Variants in CSMD3 observed in about 807,000 individuals in gnomAD.
CSMD3 encodes the protein CUB and Sushi multiple domains 3, also known as CUB and sushi domain-containing protein 3.
A neutral mutation model predicts 435.2 loss-of-function variants in CSMD3; 177 were observed. The ratio of observed to expected loss-of-function variants is 0.41; its 90% CI spans 0.36 to 0.46. CSMD3 has a LOEUF of 0.46. CSMD3 is among the 20% of genes least tolerant of loss of function. The pLI is 0.34. For synonymous variants in CSMD3, 1,656 were observed against 1,520.5 expected (o/e 1.09, Z -2.07); for missense variants, 4,265 against 4,504.6 (o/e 0.95, Z 1.52).
chr8:113,009,218 G>C (rs1314959042), intron 6 of CSMD3, among the ~76,000 whole-genome samples: 1 of 151,572 alleles, frequency 6.6e-6, no homozygotes, highest in Non-Finnish European at 1.5e-5. Context: ...TGATAAATGG[G>C]GATACTTCAT....
chr8:113,213,784 T>C (rs1171563270), intron 3 of CSMD3, among the ~76,000 whole-genome samples: 2 of 152,110 alleles, frequency 1.3e-5, no homozygotes, highest in Non-Finnish European at 2.9e-5. Context: ...TGGCATTTAG[T>C]TTCCCTATTT....
chr8:112,860,195 TTACATCAC>T (rs1312884083), intron 10 of CSMD3, among the ~76,000 whole-genome samples: 1 of 151,752 alleles, frequency 6.6e-6, no homozygotes, highest in African/African-American at 2.4e-5. Flanking sequence ...GTCTTGTTTT[TTACATCAC>T]TAAAAGTGTG....
intron 23 of CSMD3, among the ~76,000 whole-genome samples, chr8:112,578,330 T>A (rs993019188): frequency 6.6e-6 from 1 of 151,914 alleles, no homozygotes; most frequent in Non-Finnish European, 1.5e-5. Flanking sequence ...GGGCATTCGG[T>A]TTTTTGTTAT....
At chr8:112,227,726 T>C (rs1812701102) in intron 70 of CSMD3, among the ~76,000 whole-genome samples, 2 of 152,126 alleles carry the variant, frequency 1.3e-5, no homozygotes, top group Admixed American at 6.6e-5. Context: ...AATAAATCAT[T>C]CTTAGATGTT....
intron 62 of CSMD3, 75 bp from the exon 63 acceptor site, chr8:112,254,401 T>A: frequency 1.0e-6 from 1 of 996,512 alleles, no homozygotes; most frequent in Non-Finnish European, 1.6e-6. Flanking sequence ...AAAACAATTT[T>A]AAATAATCTG....
At chr8:112,251,496 A>C (rs979820637) in intron 63 of CSMD3, among the ~76,000 whole-genome samples, 2 of 151,688 alleles carry the variant, frequency 1.3e-5, no homozygotes, top group African/African-American at 4.8e-5. Flanking sequence ...ATTTTAATTG[A>C]AAGTAATTTT....
At chr8:112,452,043 GT>G (rs1816347128) in intron 32 of CSMD3, among the ~76,000 whole-genome samples, 2 of 152,082 alleles carry the variant, frequency 1.3e-5, no homozygotes, top group Non-Finnish European at 2.9e-5. Flanking sequence ...TTTATGATCT[GT>G]TTATATACAG....
At chr8:113,187,873 T>C (rs1468111413) in intron 3 of CSMD3, among the ~76,000 whole-genome samples, 1 of 152,018 alleles carries the variant, frequency 6.6e-6, no homozygotes, top group Non-Finnish European at 1.5e-5. Flanking sequence ...CCCTTTATAC[T>C]TCTCCAAAAT....
At chr8:112,235,472 A>G (rs11786035) in intron 67 of CSMD3, among the ~76,000 whole-genome samples, 101,001 of 152,078 alleles carry the variant, frequency 0.66, 35,349 homozygotes, top group African/African-American at 0.89. Context: ...AATAAAGTAG[A>G]ATTTTTAGTT....
intron 10 of CSMD3, among the ~76,000 whole-genome samples, chr8:112,872,744 T>C (rs2081172033): frequency 6.6e-6 from 1 of 152,058 alleles, no homozygotes; most frequent in South Asian, 2.1e-4. Flanking sequence ...TTATTTATTA[T>C]GCTTTTCATA....
chr8:113,361,081 T>C (rs2132986232), intron 1 of CSMD3, among the ~76,000 whole-genome samples: 1 of 152,314 alleles, frequency 6.6e-6, no homozygotes, highest in Non-Finnish European at 1.5e-5. Context: ...CATCTTTAAG[T>C]AAAGATTATG....
At chr8:113,070,805 C>T (rs889384729) in intron 5 of CSMD3, among the ~76,000 whole-genome samples, 1 of 151,972 alleles carries the variant, frequency 6.6e-6, no homozygotes, top group Non-Finnish European at 1.5e-5. Context: ...ATCTCTTTAA[C>T]ATTTCATTTT....
intron 32 of CSMD3, among the ~76,000 whole-genome samples, chr8:112,467,700 T>A (rs998856613): frequency 6.6e-6 from 1 of 151,920 alleles, no homozygotes; most frequent in Non-Finnish European, 1.5e-5. Context: ...CAATAGGTGG[T>A]GTCATTATAA....
intron 5 of CSMD3, among the ~76,000 whole-genome samples, chr8:113,027,900 AT>A (rs1304325786): frequency 2.0e-5 from 3 of 152,088 alleles, no homozygotes; most frequent in Non-Finnish European, 4.4e-5. Flanking sequence ...CTATGTTTAT[AT>A]ATTAGATATA....
chr8:112,554,918 G>A (rs1191115876), intron 25 of CSMD3, among the ~76,000 whole-genome samples: 1 of 151,848 alleles, frequency 6.6e-6, no homozygotes, highest in Non-Finnish European at 1.5e-5. Context: ...GATATTTAAG[G>A]TTAATGAGCA....
intron 6 of CSMD3, among the ~76,000 whole-genome samples, chr8:112,986,314 ACT>A (rs1167759455): frequency 6.6e-6 from 1 of 152,076 alleles, no homozygotes; most frequent in Middle Eastern, 3.2e-3. Flanking sequence ...AGACTTACAA[ACT>A]CTGAAAATTT....
chr8:112,580,983 A>T (rs2131329707), intron 23 of CSMD3, among the ~76,000 whole-genome samples: 1 of 152,230 alleles, frequency 6.6e-6, no homozygotes, highest in South Asian at 2.1e-4. Flanking sequence ...GGTCATTTAT[A>T]CAAAAATCTT....
chr8:112,653,064 G>A (rs1225615429), intron 18 of CSMD3, among the ~76,000 whole-genome samples: 4 of 152,024 alleles, frequency 2.6e-5, no homozygotes, highest in South Asian at 2.1e-4. Flanking sequence ...TGACACTCCC[G>A]CCTCAGCCTC....
chr8:113,213,576 T>G (rs1271017042), intron 3 of CSMD3, among the ~76,000 whole-genome samples: 1 of 152,046 alleles, frequency 6.6e-6, no homozygotes, highest in Non-Finnish European at 1.5e-5. Context: ...TCTTTAATTT[T>G]GGATCAGAGA....
Sources: allele counts gnomAD v4.1 joint callset (sites outside exome capture counted in the v4.1 genomes callset), GRCh38; gene constraint gnomAD v4.1.1; transcripts MANE v1.5; gene names NCBI Gene and HGNC (gene_info 2026-07-23, HGNC 2026-07-21).